CDH12: variants seen among roughly 807,000 people sequenced by gnomAD.
The protein encoded by CDH12 is cadherin 12.
CDH12 carries 41 observed loss-of-function variants against 74.1 expected under a neutral mutation model. The observed-to-expected ratio is 0.55, with a 90% CI of 0.43 to 0.72. CDH12 has a LOEUF of 0.72. Ranked by LOEUF, CDH12 falls within the 30% of genes least tolerant of loss-of-function variation. The probability of loss-of-function intolerance (pLI) is 0.00; values close to 1 mark genes in which losing one functional copy is unlikely to be tolerated. For missense variants in CDH12, 945 were observed against 977.2 expected (o/e 0.97, Z 0.44); for synonymous variants, 399 against 355.0 (o/e 1.12, Z -1.39).
intron 1 of CDH12, among the ~76,000 whole-genome samples, chr5:22,696,229 G>C (rs185234308): frequency 0.014 from 2,194 of 151,946 alleles, 52 homozygotes; most frequent in African/African-American, 0.051. Flanking sequence ...AAATTAGCCG[G>C]GCGTGGTGGC....
At chr5:22,008,451 A>C (rs936058472) in intron 5 of CDH12, among the ~76,000 whole-genome samples, 1 of 151,388 alleles carries the variant, frequency 6.6e-6, no homozygotes. Flanking sequence ...CTGGTCTCCA[A>C]CTCCTGACCT....
chr5:22,161,264 C>T (rs1748328485), intron 4 of CDH12, among the ~76,000 whole-genome samples: 1 of 152,072 alleles, frequency 6.6e-6, no homozygotes, highest in South Asian at 2.1e-4. Context: ...CCTCTTCGGT[C>T]CTGTGTTCTG....
chr5:21,774,154 A>G (rs960438592), intron 11 of CDH12, among the ~76,000 whole-genome samples: 36 of 152,050 alleles, frequency 2.4e-4, no homozygotes, highest in Admixed American at 2.4e-3. Context: ...AGTCAGTAGA[A>G]TGGGAGAGGC....
At chr5:22,153,903 T>TATATACACAC (rs1478012877) in intron 4 of CDH12, among the ~76,000 whole-genome samples, 3 of 111,160 alleles carry the variant, frequency 2.7e-5, no homozygotes, top group African/African-American at 1.0e-4. Flanking sequence ...TATATATATA[T>TATATACACAC]ACACACACAT....
intron 1 of CDH12, among the ~76,000 whole-genome samples, chr5:22,528,988 T>C (rs1455811764): frequency 6.6e-6 from 1 of 151,768 alleles, no homozygotes; most frequent in African/African-American, 2.4e-5. Flanking sequence ...TAGGCAGGGT[T>C]CCCCAGGGAA....
intron 5 of CDH12, among the ~76,000 whole-genome samples, chr5:22,054,291 AGAGCTAGAGGAACCAGT>A (rs1740589020): frequency 1.3e-5 from 2 of 152,268 alleles, no homozygotes; most frequent in African/African-American, 4.8e-5. Context: ...GGTATTTTCT[AGAGCTAGAGGAACCAGT>A]GAGCTTATTG....
At chr5:22,784,091 T>C (rs1216469870) in intron 1 of CDH12, among the ~76,000 whole-genome samples, 3 of 152,134 alleles carry the variant, frequency 2.0e-5, no homozygotes, top group African/African-American at 4.8e-5. Flanking sequence ...TTTGTATTTA[T>C]ATGTATTAAT....
chr5:22,500,571 T>C (rs1747289428), intron 2 of CDH12, among the ~76,000 whole-genome samples: 1 of 152,168 alleles, frequency 6.6e-6, no homozygotes, highest in Admixed American at 6.5e-5. Flanking sequence ...GGCCTCTTTT[T>C]AATCAACTTT....
chr5:21,892,195 T>C (rs548465453), intron 6 of CDH12, among the ~76,000 whole-genome samples: 1 of 152,318 alleles, frequency 6.6e-6, no homozygotes, highest in South Asian at 2.1e-4. Flanking sequence ...CTTTCTGTGA[T>C]AATGCTAGTA....
intron 4 of CDH12, among the ~76,000 whole-genome samples, chr5:22,133,520 A>G (rs1420727209): frequency 6.6e-6 from 1 of 152,112 alleles, no homozygotes; most frequent in Non-Finnish European, 1.5e-5. Context: ...TTCAACCCAA[A>G]TGACAAATTT....
At chr5:22,153,870 A>ATT (rs754788253) in intron 4 of CDH12, among the ~76,000 whole-genome samples, 16,776 of 83,920 alleles carry the variant, frequency 0.2, 1,335 homozygotes, top group East Asian at 0.48. Context: ...ATATATATAT[A>ATT]TGTATATATA....
intron 4 of CDH12, among the ~76,000 whole-genome samples, chr5:22,088,050 A>T (rs1023362613): frequency 1.3e-5 from 2 of 152,184 alleles, no homozygotes; most frequent in African/African-American, 4.8e-5. Context: ...TCGGGACTGA[A>T]TTTAAAAAAA....
chr5:21,832,315 ATAT>A (rs1319629248), intron 8 of CDH12, among the ~76,000 whole-genome samples: 3 of 152,100 alleles, frequency 2.0e-5, no homozygotes, highest in African/African-American at 7.2e-5. Flanking sequence ...TGACAATGTG[ATAT>A]TAGTAATAAT....
chr5:22,287,730 A>T (rs1210631537), intron 3 of CDH12, among the ~76,000 whole-genome samples: 1 of 151,678 alleles, frequency 6.6e-6, no homozygotes, highest in Non-Finnish European at 1.5e-5. Context: ...CTCAAAAAAA[A>T]AAAAAAAAAA....
chr5:22,723,784 G>A (rs1298891223), intron 1 of CDH12, among the ~76,000 whole-genome samples: 1 of 151,960 alleles, frequency 6.6e-6, no homozygotes, highest in African/African-American at 2.4e-5. Context: ...CTATGTATTT[G>A]GCACTAATAA....
chr5:22,143,580 G>C (rs1746955762), intron 4 of CDH12: 1 of 152,104 alleles, frequency 6.6e-6, no homozygotes, highest in Non-Finnish European at 1.5e-5. Flanking sequence ...TCTTGGTCAA[G>C]TTGGTCTGGA....
At chr5:21,838,216 A>C (rs1749647698) in intron 8 of CDH12, among the ~76,000 whole-genome samples, 1 of 152,172 alleles carries the variant, frequency 6.6e-6, no homozygotes, top group South Asian at 2.1e-4. Context: ...GTGAAAAGGA[A>C]ATCAAGATAG....
intron 3 of CDH12, among the ~76,000 whole-genome samples, chr5:22,289,257 C>T (rs1324883333): frequency 6.6e-6 from 1 of 152,006 alleles, no homozygotes; most frequent in African/African-American, 2.4e-5. Context: ...TAGATAAAAT[C>T]TTATAATCTT....
intron 1 of CDH12, among the ~76,000 whole-genome samples, chr5:22,800,760 C>T (rs1748468147): frequency 6.6e-6 from 1 of 152,040 alleles, no homozygotes; most frequent in Non-Finnish European, 1.5e-5. Flanking sequence ...TGAAATTTTG[C>T]CTTCTCCAGA....
Sources: gnomAD v4.1 joint callset for allele counts (sites outside exome capture counted in the v4.1 genomes callset) on GRCh38, gnomAD v4.1.1 for gene constraint, MANE v1.5 for transcripts, NCBI Gene and HGNC (gene_info 2026-07-23, HGNC 2026-07-21) for gene names.